The following ACOT11 variants were observed in gnomAD, a reference collection of about 807,000 sequenced individuals.
ACOT11 encodes the protein acyl-CoA thioesterase 11.
In ACOT11, 69 loss-of-function variants were observed where a neutral mutation model predicts 77.5. The observed-to-expected ratio is 0.89, with a 90% CI of 0.73 to 1.09. The LOEUF is 1.09. ACOT11 is among the 50% of genes least tolerant of loss of function. ACOT11 has a pLI of 0.00. For missense variants in ACOT11, 766 were observed against 813.7 expected, an observed-to-expected ratio of 0.94 and a Z score of 0.71; for synonymous variants, 279 against 313.0, an observed-to-expected ratio of 0.89 and a Z score of 1.15.
chr1:54,611,480 G>A (rs1026660409), downstream of ACOT11: 36 of 867,094 alleles, frequency 4.2e-5, no homozygotes, highest in Non-Finnish European at 5.6e-5. Context: ...AAATGCAGCC[G>A]CCTCCTGTCC....
downstream of ACOT11, among the ~76,000 whole-genome samples, chr1:54,613,982 A>C (rs1274757886): frequency 1.3e-5 from 2 of 152,214 alleles, no homozygotes; most frequent in Admixed American, 1.3e-4. Flanking sequence ...AATAAAAGTA[A>C]TACTACCTAC....
At chr1:54,624,454 G>A (rs1266782616) in intron 15 of ACOT11, among the ~76,000 whole-genome samples, 1 of 152,174 alleles carries the variant, frequency 6.6e-6, no homozygotes, top group Non-Finnish European at 1.5e-5. Flanking sequence ...CCTTCCCGAG[G>A]AGGGAACTGG....
chr1:54,558,308 C>T (rs1273472625), intron 1 of ACOT11, among the ~76,000 whole-genome samples: 3 of 152,214 alleles, frequency 2.0e-5, no homozygotes, highest in Admixed American at 6.5e-5. Flanking sequence ...AAATGCCATA[C>T]AAGTGCTAGC....
chr1:54,559,685 T>C (rs60593559), intron 1 of ACOT11, among the ~76,000 whole-genome samples: 46,671 of 152,006 alleles, frequency 0.31, 7,466 homozygotes, highest in African/African-American at 0.37. Context: ...AAAGCAAACT[T>C]TTCTGTTGAG....
chr1:54,570,373 C>T (rs553227964), intron 1 of ACOT11, among the ~76,000 whole-genome samples: 1 of 152,342 alleles, frequency 6.6e-6, no homozygotes, highest in East Asian at 1.9e-4. Context: ...AAGCAGATGC[C>T]ATTGTCATAG....
intron 1 of ACOT11, among the ~76,000 whole-genome samples, chr1:54,554,368 T>TTTTGAGA (rs1653189807): frequency 7.5e-6 from 1 of 133,532 alleles, no homozygotes; most frequent in Admixed American, 7.8e-5. Context: ...TTTTTTTTTT[T>TTTTGAGA]TGAGATGGAG....
chr1:54,622,230 C>T (rs1644236616), intron 15 of ACOT11, among the ~76,000 whole-genome samples: 1 of 132,854 alleles, frequency 7.5e-6, no homozygotes, highest in Admixed American at 8.7e-5. Flanking sequence ...GAGCCGATAT[C>T]ATGTCACCGC....
chr1:54,610,213 G>A lies in ACOT11; in HGVS notation c.*1101G>A. On this transcript the variant is annotated 3_prime_UTR_variant, in exon 16 of 16. Transcript: ENST00000343744. Reference sequence around the variant, plus strand: ...CCTGCAGCAATGTAGCTGAGGACTGGTCTGAAGGCCAGGAGCCCTGTGCTC... The same window carrying A: ...CCTGCAGCAATGTAGCTGAGGACTGATCTGAAGGCCAGGAGCCCTGTGCTC... 7.0e-7 allele frequency: 1 copy of A among 1,436,534 alleles called. No homozygotes were observed. The highest frequency in any genetic ancestry group is 9.1e-7 in the Non-Finnish European group (1 of 1,100,840). The allele number at this position is 1,436,534 out of a possible 1,614,324, so 89.0% of individuals were successfully genotyped here. A position where few individuals can be genotyped will look rare whatever the true frequency, so the allele number is the denominator to read the frequency against.
At chr1:54,554,290 A>AGTGT (rs67577349) in intron 1 of ACOT11, among the ~76,000 whole-genome samples, 9,291 of 107,516 alleles carry the variant, frequency 0.086, 440 homozygotes, top group Admixed American at 0.13. Context: ...AGTATTCCAT[A>AGTGT]GTGTGTGTGT....
chr1:54,630,781 C>T (rs1341901064), exon 16 of ACOT11: 1 of 767,146 alleles, frequency 1.3e-6, no homozygotes, highest in Non-Finnish European at 2.4e-6. Flanking sequence ...CGGCAAGTGG[C>T]TTCTATTCCT....
exon 17 of ACOT11, chr1:54,635,263 A>G: frequency 4.6e-6 from 1 of 218,778 alleles, no homozygotes; most frequent in Non-Finnish European, 9.1e-6. Context: ...TTTAGCTTGA[A>G]TTGCACCTCT....
Position 54,607,986 on chromosome 1 carries a change from A to G in ACOT11, c.1547A>G (p.His516Arg), listed in dbSNP as rs749338148. The G allele has an allele frequency of 6.2e-7, 1 of 1,613,652 alleles. No homozygotes were observed. Among genetic ancestry groups the G allele is most frequent in the Non-Finnish European group, 8.5e-7 (1 of 1,179,910 alleles). The stretch of plus-strand genomic sequence containing the variant: ...CTGAGGTCGGTCACGCTGCCCACAC[A>G]CCGAGAGACGCCAGAGTACAGACGC... ...IALRSVTLPT[H>R]RETPEYRRGE... The change falls in exon 15 of 16, where the codon CAC becomes CGC. Residue 516 changes from histidine (H) to arginine (R), a missense_variant. Transcript: ENST00000343744. The surrounding 1 kb of genome is among the most constrained non-coding windows in gnomAD (Gnocchi z 4.5).
chr1:54,561,082 ATTTTTTTTAT>A (rs996246315), intron 1 of ACOT11, among the ~76,000 whole-genome samples: 10 of 20,224 alleles, frequency 4.9e-4, no homozygotes, highest in African/African-American at 3.0e-3. Context: ...CTGATTTTTT[ATTTTTTTTAT>A]TTTTTTTTAT....
downstream of ACOT11, chr1:54,612,779 T>C: frequency 8.3e-7 from 1 of 1,202,556 alleles, no homozygotes; most frequent in South Asian, 1.3e-5. Context: ...TGGGGTCTCA[T>C]CACAGTGCTA....
intron 9 of ACOT11, among the ~76,000 whole-genome samples, chr1:54,602,200 C>T (rs554637082): frequency 4.6e-5 from 7 of 152,318 alleles, no homozygotes; most frequent in South Asian, 4.1e-4. Context: ...ATCCTGGCCT[C>T]GGCCCTTACC....
chr1:54,554,352 T>TATATATATATATATATATA (rs536616509), intron 1 of ACOT11, among the ~76,000 whole-genome samples: 2 of 46,384 alleles, frequency 4.3e-5, no homozygotes, highest in Non-Finnish European at 9.6e-5. Context: ...TATATATATA[T>TATATATATATATATATATA]TTTTTTTTTT....
In ACOT11 at chr1:54,609,042, C is replaced by T. The variant is rs370920779; in HGVS notation, c.1715C>T (p.Thr572Ile). 2 of 1,614,190 alleles carry T rather than the reference C, an allele frequency of 1.2e-6. No individual in the cohort carries two copies. Among genetic ancestry groups the T allele is most frequent in the South Asian group, 1.1e-5 (1 of 91,084 alleles). The change falls in exon 16 of 16, where the codon ACC becomes ATC. Residue 572 changes from threonine to isoleucine, a missense_variant. Thr to Ile is a moderately conservative substitution (Grantham distance 89). Coordinates refer to ENST00000343744, the MANE Select transcript of ACOT11 (RefSeq NM_147161.4). ...GGCCTCTCCTCTGAGTTCTACACCA[C>T]CTTCAAGGCTTGTGAGCAGTTTCTC... Reference protein sequence around the residue: ...VAGLSSEFYTTFKACEQFLLD... With the variant: ...VAGLSSEFYTIFKACEQFLLD...
chr1:54,571,295 C>G (rs1428320551), intron 1 of ACOT11, among the ~76,000 whole-genome samples: 3 of 152,094 alleles, frequency 2.0e-5, no homozygotes, highest in Non-Finnish European at 4.4e-5. Context: ...TTCTCTTCAC[C>G]CTTCTGATTA....
chr1:54,608,366 T>C (rs1426016291), intron 15 of ACOT11, among the ~76,000 whole-genome samples: 1 of 151,970 alleles, frequency 6.6e-6, no homozygotes, highest in African/African-American at 2.4e-5. Flanking sequence ...CCTTCTCATC[T>C]AGGAAGGCTT....
Sources: gnomAD v4.1 joint callset for allele counts (sites outside exome capture counted in the v4.1 genomes callset) on GRCh38, gnomAD v4.1.1 for gene constraint, Gnocchi (gnomAD v3.1) non-coding constraint, MANE v1.5 for transcripts, NCBI Gene and HGNC (gene_info 2026-07-23, HGNC 2026-07-21) for gene names.